The following ABCA6 variants were observed in gnomAD, a reference collection of about 807,000 sequenced individuals.
ABCA6 encodes ATP-binding cassette sub-family A member 6.
Under a neutral mutation model 191.2 loss-of-function variants are expected in ABCA6, and 164 were observed. That is an observed-to-expected ratio of 0.86 (90% confidence interval 0.76 to 0.98). ABCA6 has a LOEUF of 0.98. Among genes scored for constraint, ABCA6 ranks in the 50% least tolerant of loss-of-function variants. ABCA6 has a pLI of 0.00. For missense variants in ABCA6, 1,958 were observed against 1,894.1 expected, an observed-to-expected ratio of 1.03 and a Z score of -0.63; for synonymous variants, 636 against 647.7, an observed-to-expected ratio of 0.98 and a Z score of 0.27.
Position 69,079,250 on chromosome 17 carries a change from T to C in ABCA6, c.4712A>G (p.Asn1571Ser), listed in dbSNP as rs2072568131. 6.2e-7 allele frequency: 1 copy of C among 1,606,338 alleles called. No individual in the cohort carries two copies. Among genetic ancestry groups the C allele is most frequent in the Non-Finnish European group, 8.5e-7 (1 of 1,175,966 alleles). Residue 1571 changes from asparagine (N) to serine (S), a missense_variant, in exon 38 of 39, where the codon AAC becomes AGC. By Grantham distance (46) the Asn-to-Ser change is conservative. Coordinates refer to ENST00000284425, the MANE Select transcript of ABCA6 (RefSeq NM_080284.3). ...HKLEAVKHNF[N>S]LEEYSLSQCT... Reference sequence around the variant, plus strand: ...CTGAGAAAGGCTGTATTCTTCCAGGTTAAAGTTATGCTTCACTGGAGGAAA... The same window carrying C: ...CTGAGAAAGGCTGTATTCTTCCAGGCTAAAGTTATGCTTCACTGGAGGAAA...
At chr17:69,120,466 T>C (rs750011879) in intron 10 of ABCA6, among the ~76,000 whole-genome samples, 41 of 152,096 alleles carry the variant, frequency 2.7e-4, no homozygotes, top group Non-Finnish European at 4.4e-4. Flanking sequence ...GAATTTCATG[T>C]ACCTATTTAT....
At chr17:69,126,752 C>G (rs1441561849) in intron 8 of ABCA6, among the ~76,000 whole-genome samples, 2 of 152,106 alleles carry the variant, frequency 1.3e-5, no homozygotes, top group African/African-American at 2.4e-5. Flanking sequence ...CTATTTTCTT[C>G]GAACTGATCG....
At position 69,096,724 on chromosome 17, in the gene ABCA6, G is replaced by A; in HGVS notation, c.3198C>T (p.Val1066=). 1 of 1,591,190 alleles carries A rather than the reference G, an allele frequency of 6.3e-7. No homozygotes were observed. Among genetic ancestry groups the A allele is most frequent in the Non-Finnish European group, 8.5e-7 (1 of 1,170,838 alleles). ...AAAGGAGAATTAAAATGAAGAAGCT[G>A]ACGTCCACTAGTGCCTGCCCACACC... is the stretch of plus-strand genomic sequence containing the variant. ...AYWCGQALVD[V]SFFILILLLM... The change falls in exon 24 of 39, where the codon GTC becomes GTT. Residue 1066 remains valine, a synonymous_variant. Coordinates refer to ENST00000284425, the MANE Select transcript of ABCA6 (RefSeq NM_080284.3).
At chr17:69,116,282 C>T (rs2073537438) in intron 11 of ABCA6, among the ~76,000 whole-genome samples, 1 of 152,096 alleles carries the variant, frequency 6.6e-6, no homozygotes, top group Non-Finnish European at 1.5e-5. Flanking sequence ...GATATATTAA[C>T]ATGTCTTTCA....
chr17:69,127,250 T>C (rs1005542921), intron 8 of ABCA6, among the ~76,000 whole-genome samples: 12 of 152,110 alleles, frequency 7.9e-5, no homozygotes, highest in South Asian at 6.2e-4. Context: ...ATTCCTTACA[T>C]TGATTTTTAC....
rs755784574 is a variant in ABCA6, at chr17:69,133,783, G to C, written c.649C>G (p.Leu217Val). Residue 217 changes from leucine to valine, a missense_variant, in exon 6 of 39, where the codon CTT (leucine) becomes GTT (valine). Transcript: ENST00000284425. ...AAAATAAACATCTCATTGTGAAGAA[G>C]ATTTTTAGTTATGAAAGGTAATGTC... is the stretch of plus-strand genomic sequence containing the variant. Reference protein sequence around the residue: ...MKTLPFITKNLLHNEMFILFF... With the variant: ...MKTLPFITKNVLHNEMFILFF... 1.1e-5 allele frequency: 18 copies of C among 1,612,744 alleles called. No homozygotes were observed. Among genetic ancestry groups the C allele is most frequent in the South Asian group, 9.9e-5 (9 of 90,902 alleles).
intron 11 of ABCA6, among the ~76,000 whole-genome samples, chr17:69,116,940 A>T (rs1321024488): frequency 6.6e-6 from 1 of 152,134 alleles, no homozygotes; most frequent in Admixed American, 6.6e-5. Context: ...TTTTGTTTAG[A>T]CAAAAAGAAG....
rs144845365 is a variant in ABCA6 at position 69,086,633 on chromosome 17, A to G, written c.3922T>C (p.Phe1308Leu). ...KKKIAARNIS[F>L]CVQEGEILGL... The stretch of plus-strand genomic sequence containing the variant: ...TATTACAGACCTTCTTGAACACAGA[A>G]AGAGATATTTCTTGCTGCTATTTTC... The change falls in exon 30 of 39, where the codon TTC becomes CTC. Residue 1308 changes from phenylalanine (F) to leucine (L), a missense_variant. Physicochemically the swap from Phe to Leu is conservative, Grantham distance 22 (BLOSUM62 0). Coordinates refer to ENST00000284425, the MANE Select transcript of ABCA6 (RefSeq NM_080284.3). 1.9e-5 allele frequency: 30 copies of G among 1,610,484 alleles called. No individual in the cohort carries two copies. The African/African-American group carries it at 2.4e-4, about 13-fold the overall frequency.
chr17:69,130,881 T>C (rs1469425213), intron 6 of ABCA6, among the ~76,000 whole-genome samples: 1 of 152,208 alleles, frequency 6.6e-6, no homozygotes. Context: ...CATTCTATTC[T>C]CTCTAATCCT....
chr17:69,129,819 G>C (rs2073830708), intron 6 of ABCA6, 68 bp from the exon 7 acceptor site: 3 of 1,217,782 alleles, frequency 2.5e-6, no homozygotes, highest in South Asian at 1.5e-5. Flanking sequence ...ATATACAAAA[G>C]CATCTAAAGA....
chr17:69,084,231 C>T, intron 34 of ABCA6, 30 bp downstream of exon 34: 1 of 1,605,056 alleles, frequency 6.2e-7, no homozygotes, highest in Non-Finnish European at 8.5e-7. Flanking sequence ...AATGTGCATG[C>T]TCGCAGCTCT....
chr17:69,088,356 G>C, intron 27 of ABCA6, 98 bp from the exon 28 acceptor site: 1 of 903,662 alleles, frequency 1.1e-6, no homozygotes, highest in Non-Finnish European at 1.6e-6. Context: ...TGGGTAAATA[G>C]TTGTGGATCA....
chr17:69,140,675 T>A lies in ABCA6; in HGVS notation c.29A>T (p.Gln10Leu), dbSNP rs760849666. The A allele has an allele frequency of 6.3e-7, 1 of 1,599,590 alleles. No homozygotes were observed. Among genetic ancestry groups the A allele is most frequent in the Non-Finnish European group, 8.5e-7 (1 of 1,173,476 alleles). The change falls in exon 2 of 39, where the codon CAG (glutamine) becomes CTG (leucine). Residue 10 changes from glutamine (Q) to leucine (L), a missense_variant. By Grantham distance (113) the Gln-to-Leu change is moderately radical. Transcript: ENST00000284425. ...CTTGCACAGAAGTGCTTTGGTTTGC[T>A]GATACACGCTTTTCTGTTTCATATT... is the stretch of plus-strand genomic sequence containing the variant. MNMKQKSVY[Q>L]QTKALLCKNF...
rs540516775 is a variant in ABCA6 at position 69,139,470 on chromosome 17, G to C, written c.96+1138C>G. 2.7e-3 allele frequency among the ~76,000 whole-genome samples: 415 copies of C among 152,306 alleles called. 3 individuals carry two copies. Among genetic ancestry groups the C allele is most frequent in the African/African-American group, 9.3e-3 (386 of 41,564 alleles). On this transcript the variant is annotated intron_variant, in intron 2 of 38. Transcript: ENST00000284425. Reference sequence around the variant, plus strand: ...CAACAGGCGCTGGAGAGGATGTGGAGAAATAGGAACACTTTTACACTGTTG... The same window carrying C: ...CAACAGGCGCTGGAGAGGATGTGGACAAATAGGAACACTTTTACACTGTTG...
Position 69,085,284 on chromosome 17 carries a change from C to T in ABCA6, c.4030-102G>A. On this transcript the variant is annotated intron_variant, in intron 31 of 38. Coordinates refer to ENST00000284425, the MANE Select transcript of ABCA6 (RefSeq NM_080284.3). ...ATAAGCGTCTAAATTGTTTAAGCATCAAATAAATACTATAGAAATTACTTC... is the reference window on the plus strand; with the variant it reads ...ATAAGCGTCTAAATTGTTTAAGCATTAAATAAATACTATAGAAATTACTTC... 4 of 1,057,624 alleles carry T rather than the reference C, an allele frequency of 3.8e-6. No homozygotes were observed. In the South Asian group the frequency reaches 6.4e-5, roughly 17 times the overall value. 65.5% of individuals were successfully genotyped at this position (1,057,624 alleles called of 1,614,324 possible).
At chr17:69,085,786 G>T in intron 30 of ABCA6, 70 bp from the exon 31 acceptor site, 1 of 1,086,206 alleles carries the variant, frequency 9.2e-7, no homozygotes, top group Non-Finnish European at 1.4e-6. Flanking sequence ...TTGCTCCAGT[G>T]AAATCTTCTG....
chr17:69,124,801 T>A, intron 9 of ABCA6, 87 bp downstream of exon 9: 1 of 699,290 alleles, frequency 1.4e-6, no homozygotes, highest in Non-Finnish European at 2.2e-6. Flanking sequence ...TATTTAATAT[T>A]CATTTTAAAA....
chr17:69,121,841 T>G (rs956975341), intron 10 of ABCA6, among the ~76,000 whole-genome samples: 1 of 152,082 alleles, frequency 6.6e-6, no homozygotes, highest in Non-Finnish European at 1.5e-5. Flanking sequence ...TATGGAATTA[T>G]TCCTCACTTG....
chr17:69,081,983 T>C (rs1208712016), intron 36 of ABCA6, among the ~76,000 whole-genome samples: 1 of 152,200 alleles, frequency 6.6e-6, no homozygotes, highest in Non-Finnish European at 1.5e-5. Context: ...TCCCAGCTTA[T>C]TCCCAAACAG....
Sources: gnomAD v4.1 joint callset for allele counts (sites outside exome capture counted in the v4.1 genomes callset) on GRCh38, gnomAD v4.1.1 for gene constraint, MANE v1.5 for transcripts, NCBI Gene and HGNC (gene_info 2026-07-23, HGNC 2026-07-21) for gene names.